MACROD2: variants seen among roughly 807,000 people sequenced by gnomAD.
The protein encoded by MACROD2 is mono-ADP ribosylhydrolase 2.
In MACROD2, 36 loss-of-function variants were observed where a neutral mutation model predicts 70.4. The observed-to-expected ratio is 0.51, with a 90% CI of 0.39 to 0.68. The LOEUF (loss-of-function observed/expected upper bound fraction) is 0.68, where lower values mean the gene tolerates loss of function less well. Ranked by LOEUF, MACROD2 falls within the 30% of genes least tolerant of loss-of-function variation. The pLI is 0.00. For synonymous variants in MACROD2, 172 were observed against 178.8 expected (o/e 0.96, Z 0.30); for missense variants, 496 against 538.4 (o/e 0.92, Z 0.78).
At chr20:15,696,427 G>A (rs1446023328) in intron 8 of MACROD2, among the ~76,000 whole-genome samples, 1 of 152,186 alleles carries the variant, frequency 6.6e-6, no homozygotes, top group Non-Finnish European at 1.5e-5. Context: ...CCTTTCAGAT[G>A]CTGTTGGATT....
At chr20:14,317,104 G>T (rs151056280) in intron 3 of MACROD2, among the ~76,000 whole-genome samples, 50 of 152,224 alleles carry the variant, frequency 3.3e-4, no homozygotes, top group African/African-American at 1.2e-3. Flanking sequence ...ACATTAAGCT[G>T]ATTTCCTATT....
Position 16,001,761 on chromosome 20 carries a change from A to G in MACROD2, c.1153+14603A>G, listed in dbSNP as rs367639021. Among the ~76,000 whole-genome samples the G allele has an allele frequency of 1.5e-4, 23 of 152,272 alleles. No homozygotes were observed. In the East Asian group the frequency reaches 3.9e-3, roughly 26 times the overall value. ...TTTACTTCATCTGTTCTTTTGTTTC[A>G]TATACTTACAAACATAGTTCATAAA... On this transcript the variant is annotated intron_variant, in intron 15 of 17. Transcript: ENST00000684519.
chr20:15,401,378 A>G (rs1354882819), intron 6 of MACROD2, among the ~76,000 whole-genome samples: 1 of 152,216 alleles, frequency 6.6e-6, no homozygotes, highest in East Asian at 1.9e-4. Context: ...GCCAAAGCAG[A>G]GCAACTATCT....
chr20:14,986,384 C>T (rs1033847041), intron 5 of MACROD2, among the ~76,000 whole-genome samples: 3 of 152,084 alleles, frequency 2.0e-5, no homozygotes, highest in Admixed American at 2.0e-4. Context: ...GGTGGCTGCA[C>T]ATTTTTGTGG....
rs1054838078 is a variant in MACROD2, at chr20:14,288,189, T to G, written c.271+202461T>G. Among the ~76,000 whole-genome samples, 18 of 152,066 alleles carry G rather than the reference T, an allele frequency of 1.2e-4. No individual in the cohort carries two copies. In the Middle Eastern group the frequency reaches 0.017, roughly 144 times the overall value. On this transcript the variant is annotated intron_variant, in intron 3 of 17. Coordinates refer to ENST00000684519, the MANE Select transcript of MACROD2 (RefSeq NM_001351661.2). ...TGTCTTCCAATATCTTTCCTTCTTC[T>G]TCCCCACCTGAGAAATAGAACTACT...
chr20:14,611,890 T>G (rs1983195496), intron 4 of MACROD2, among the ~76,000 whole-genome samples: 1 of 152,162 alleles, frequency 6.6e-6, no homozygotes, highest in Admixed American at 6.6e-5. Flanking sequence ...TTTTAAAATG[T>G]ATGGTTTTAA....
chr20:15,974,318 C>G (rs1202409963), intron 13 of MACROD2, among the ~76,000 whole-genome samples: 1 of 150,932 alleles, frequency 6.6e-6, no homozygotes, highest in Non-Finnish European at 1.5e-5. Flanking sequence ...AGTAAAAGAA[C>G]CAAAGGTTAT....
chr20:15,876,745 TC>T (rs2064680517), intron 9 of MACROD2, among the ~76,000 whole-genome samples: 2 of 152,142 alleles, frequency 1.3e-5, no homozygotes, highest in South Asian at 4.1e-4. Flanking sequence ...GTAAAAGCGT[TC>T]CTATTTCTCC....
chr20:14,581,194 A>G (rs1039174302), intron 4 of MACROD2, among the ~76,000 whole-genome samples: 2 of 152,014 alleles, frequency 1.3e-5, no homozygotes, highest in Non-Finnish European at 2.9e-5. Flanking sequence ...TACTTAAAAC[A>G]CTCTTGGTTT....
At chr20:15,481,594 A>T (rs1416036448) in intron 7 of MACROD2, among the ~76,000 whole-genome samples, 2 of 144,666 alleles carry the variant, frequency 1.4e-5, no homozygotes, top group Admixed American at 6.7e-5. Flanking sequence ...TGCATTACAT[A>T]AATAAATATT....
intron 5 of MACROD2, among the ~76,000 whole-genome samples, chr20:15,140,687 G>T (rs567202945): frequency 6.6e-6 from 1 of 152,086 alleles, no homozygotes; most frequent in Non-Finnish European, 1.5e-5. Context: ...CATGGTCTGG[G>T]AAGGAAATGG....
At chr20:14,937,871 ATCTAC>A (rs1412714665) in intron 5 of MACROD2, among the ~76,000 whole-genome samples, 1 of 151,964 alleles carries the variant, frequency 6.6e-6, no homozygotes, top group African/African-American at 2.4e-5. Context: ...GTAACCACCA[ATCTAC>A]TCTATCTTTA....
intron 3 of MACROD2, among the ~76,000 whole-genome samples, chr20:14,459,887 C>G (rs1237032767): frequency 6.6e-6 from 1 of 152,008 alleles, no homozygotes; most frequent in Admixed American, 6.5e-5. Context: ...TCTCTCACCC[C>G]CTGACAGGCC....
intron 6 of MACROD2, among the ~76,000 whole-genome samples, chr20:15,348,898 G>A (rs1216617234): frequency 5.3e-5 from 8 of 152,104 alleles, no homozygotes; most frequent in African/African-American, 7.2e-5. Context: ...TTGTGTTACC[G>A]AAATAATCTC....
chr20:14,306,202 G>C (rs2082519820), intron 3 of MACROD2, among the ~76,000 whole-genome samples: 2 of 152,074 alleles, frequency 1.3e-5, no homozygotes, highest in African/African-American at 4.8e-5. Context: ...AGTTGGGAAT[G>C]TTGTTAACTT....
At chr20:15,043,600 T>C (rs1053358740) in intron 5 of MACROD2, among the ~76,000 whole-genome samples, 18 of 152,304 alleles carry the variant, frequency 1.2e-4, no homozygotes, top group African/African-American at 3.6e-4. Context: ...CCTCTTCCCT[T>C]TTCTCTTTCC....
intron 3 of MACROD2, among the ~76,000 whole-genome samples, chr20:14,439,841 A>G (rs1289014339): frequency 6.6e-5 from 10 of 152,134 alleles, no homozygotes; most frequent in African/African-American, 1.9e-4. Context: ...GTTTTGTTTT[A>G]TTTTTGGTTG....
chr20:15,294,838 AAAAC>A (rs1292879256), intron 6 of MACROD2, among the ~76,000 whole-genome samples: 11 of 152,372 alleles, frequency 7.2e-5, no homozygotes, highest in African/African-American at 2.6e-4. Context: ...AACCCATTAA[AAAAC>A]AAACAAAGAA....
chr20:14,583,188 G>A (rs1981155836), intron 4 of MACROD2, among the ~76,000 whole-genome samples: 1 of 152,186 alleles, frequency 6.6e-6, no homozygotes, highest in Non-Finnish European at 1.5e-5. Flanking sequence ...CAAGCTAACA[G>A]CATTTCATCT....
Sources: gnomAD v4.1 joint callset for allele counts (sites outside exome capture counted in the v4.1 genomes callset) on GRCh38, gnomAD v4.1.1 for gene constraint, MANE v1.5 for transcripts, NCBI Gene and HGNC (gene_info 2026-07-23, HGNC 2026-07-21) for gene names.